Variants in SGCD observed in about 807,000 individuals in gnomAD.
The protein encoded by SGCD is delta-sarcoglycan.
SGCD carries 18 observed loss-of-function variants against 36.6 expected under a neutral mutation model. The ratio of observed to expected loss-of-function variants is 0.49; its 90% confidence interval spans 0.34 to 0.73. The LOEUF (loss-of-function observed/expected upper bound fraction) is 0.73, where lower values mean the gene tolerates loss of function less well. Among genes scored for constraint, SGCD ranks in the 30% least tolerant of loss-of-function variants. SGCD has a pLI of 0.01. For missense variants in SGCD, 387 were observed against 346.7 expected, an observed-to-expected ratio of 1.12 and a Z score of -0.92; for synonymous variants, 133 against 130.6, an observed-to-expected ratio of 1.02 and a Z score of -0.12.
rs539346171 is a variant in SGCD, at chr5:156,052,671, G to A, written c.-281-65207G>A. 7.1e-4 allele frequency among the ~76,000 whole-genome samples: 103 copies of A among 145,922 alleles called. 6 individuals carry two copies. Among genetic ancestry groups the A allele is most frequent in the African/African-American group, 2.5e-3 (101 of 40,584 alleles). On this transcript the variant is annotated intron_variant, in intron 1 of 9. Coordinates refer to the SGCD transcript ENST00000517913. ...CCTAGCAGGGCTGGCTGCATACTTT[G>A]TGAAACACAGTGCAAAATGCAGGGT... is the stretch of plus-strand genomic sequence containing the variant.
At chr5:156,579,458 G>A (rs1015811979) in intron 4 of SGCD, among the ~76,000 whole-genome samples, 2 of 151,852 alleles carry the variant, frequency 1.3e-5, no homozygotes, top group Non-Finnish European at 2.9e-5. Flanking sequence ...TTCAAGTCCT[G>A]GATATCATTG....
intron 6 of SGCD, among the ~76,000 whole-genome samples, chr5:156,611,160 G>C (rs796276577): frequency 6.6e-6 from 1 of 152,156 alleles, no homozygotes; most frequent in Admixed American, 6.5e-5. Flanking sequence ...GACTGGAGCT[G>C]TTCCTATTCA....
At chr5:156,329,930 T>C (rs926239124) in intron 2 of SGCD, among the ~76,000 whole-genome samples, 9 of 141,584 alleles carry the variant, frequency 6.4e-5, no homozygotes, top group African/African-American at 2.4e-4. Flanking sequence ...TGCAGGAGAA[T>C]GGCGTGAACC....
At chr5:156,590,283 G>C (rs111635832) in intron 5 of SGCD, among the ~76,000 whole-genome samples, 1 of 152,136 alleles carries the variant, frequency 6.6e-6, no homozygotes, top group Non-Finnish European at 1.5e-5. Flanking sequence ...CACTCCTGGG[G>C]AGGGAGCCTC....
intron 3 of SGCD, among the ~76,000 whole-genome samples, chr5:156,156,242 G>C (rs1464205744): frequency 2.6e-5 from 4 of 151,516 alleles, no homozygotes; most frequent in African/African-American, 9.8e-5. Context: ...AAGAGTACTC[G>C]GTAAGTTAGT....
At chr5:156,087,599 C>A (rs527962969) in intron 1 of SGCD, among the ~76,000 whole-genome samples, 1 of 145,330 alleles carries the variant, frequency 6.9e-6, no homozygotes, top group Admixed American at 7.0e-5. Flanking sequence ...GAGATCGAGC[C>A]ATTGCACTCC....
At chr5:156,029,816 T>C in intron 1 of SGCD, among the ~76,000 whole-genome samples, 1 of 152,296 alleles carries the variant, frequency 6.6e-6, no homozygotes, top group Non-Finnish European at 1.5e-5. Context: ...CTTTACCTAA[T>C]TTTTTAAAAA....
chr5:156,208,004 C>T (rs946952880), intron 3 of SGCD, among the ~76,000 whole-genome samples: 13 of 152,082 alleles, frequency 8.5e-5, no homozygotes, highest in Non-Finnish European at 1.8e-4. Flanking sequence ...AAGTTAGACA[C>T]ACAATTTACC....
chr5:155,801,270 G>A, the SGCD span, among the ~76,000 whole-genome samples: 9 of 152,126 alleles, frequency 5.9e-5, no homozygotes, highest in Admixed American at 5.9e-4. Context: ...CTTAGAGCAG[G>A]TTGTTAAACC....
intron 1 of SGCD, among the ~76,000 whole-genome samples, chr5:156,083,558 G>A (rs1460152395): frequency 6.7e-6 from 1 of 149,768 alleles, no homozygotes; most frequent in Non-Finnish European, 1.5e-5. Flanking sequence ...ACATCCCAAA[G>A]TGCTGGAATT....
At chr5:156,329,263 A>T (rs1767957577) in intron 1 of SGCD, among the ~76,000 whole-genome samples, 1 of 152,196 alleles carries the variant, frequency 6.6e-6, no homozygotes, top group Non-Finnish European at 1.5e-5. Flanking sequence ...AGCCCTTGGC[A>T]CAGGAATGAA....
chr5:156,198,238 A>G (rs1561561424), intron 3 of SGCD, among the ~76,000 whole-genome samples: 1 of 152,144 alleles, frequency 6.6e-6, no homozygotes, highest in Non-Finnish European at 1.5e-5. Context: ...GTGCAGACCT[A>G]GATAAGAAGT....
intron 3 of SGCD, among the ~76,000 whole-genome samples, chr5:156,233,570 A>G (rs537985147): frequency 2.0e-5 from 3 of 152,298 alleles, no homozygotes; most frequent in Non-Finnish European, 4.4e-5. Flanking sequence ...ACAGATGAGA[A>G]TCTGAGGGGG....
rs73300648 is a variant in SGCD, at chr5:156,170,873, C to T, written c.-44+46854C>T. 6.2e-4 allele frequency among the ~76,000 whole-genome samples: 95 copies of T among 152,260 alleles called. 1 individual carries two copies. Among genetic ancestry groups the T allele is most frequent in the African/African-American group, 1.9e-3 (77 of 41,558 alleles). ...AAATTGCTGCTTTTCTCTAGTTCTC[C>T]GCACATGACTTCTTTGCTGTCCTTG... On this transcript the variant is annotated intron_variant, in intron 3 of 9. Transcript: ENST00000517913.
At chr5:156,260,061 T>A (rs550450850) in intron 3 of SGCD, among the ~76,000 whole-genome samples, 1 of 152,346 alleles carries the variant, frequency 6.6e-6, no homozygotes, top group East Asian at 1.9e-4. Flanking sequence ...GAAAAAACAC[T>A]GTTCACTGAA....
chr5:156,434,548 C>T (rs372956031), intron 3 of SGCD, among the ~76,000 whole-genome samples: 2 of 152,142 alleles, frequency 1.3e-5, no homozygotes, highest in South Asian at 2.1e-4. Context: ...GCTGCAAACC[C>T]GGCCAGCGAT....
intron 2 of SGCD, among the ~76,000 whole-genome samples, chr5:156,335,673 A>T (rs1026450214): frequency 6.6e-6 from 1 of 151,912 alleles, no homozygotes; most frequent in Non-Finnish European, 1.5e-5. Context: ...CTGCCCTCCA[A>T]GCCTTCTATC....
intron 4 of SGCD, among the ~76,000 whole-genome samples, chr5:156,564,116 G>T (rs6880030): frequency 0.31 from 47,452 of 152,070 alleles, 7,590 homozygotes; most frequent in African/African-American, 0.35. Flanking sequence ...AAACACTATT[G>T]TTTTTAGTTC....
intron 1 of SGCD, among the ~76,000 whole-genome samples, chr5:155,931,879 T>TGA (rs1757103610): frequency 6.6e-6 from 1 of 152,166 alleles, no homozygotes; most frequent in African/African-American, 2.4e-5. Context: ...TTCTAGAGGA[T>TGA]GAGAGGTCCA....
Sources: allele counts gnomAD v4.1 joint callset (sites outside exome capture counted in the v4.1 genomes callset), GRCh38; gene constraint gnomAD v4.1.1; transcripts MANE v1.5; gene names NCBI Gene and HGNC (gene_info 2026-07-23, HGNC 2026-07-21).